NUP188: variants seen among roughly 807,000 people sequenced by gnomAD.
The protein encoded by NUP188 is nucleoporin NUP188.
Under a neutral mutation model 223.0 loss-of-function variants are expected in NUP188, and 97 were observed. That is an observed-to-expected ratio of 0.43 (90% confidence interval 0.37 to 0.51). The LOEUF is 0.51. Ranked by LOEUF, NUP188 falls within the 20% of genes least tolerant of loss-of-function variation. NUP188 has a pLI of 0.00. For missense variants in NUP188, 1,947 were observed against 2,175.6 expected (o/e 0.89, Z 2.09); for synonymous variants, 869 against 828.0 (o/e 1.05, Z -0.85).
rs200822100 is a variant in NUP188 at position 129,001,550 on chromosome 9, C to T, written c.3865C>T (p.Leu1289=). The part of the protein sequence containing the change: ...RDGVCVLGLH[L]AKELCEVDED... Reference sequence around the variant, plus strand: ...GCAGGTGTGTGTCCTGGGCCTGCACCTGGCCAAGGAGCTGTGTGAGGTAGA... The same window carrying T: ...GCAGGTGTGTGTCCTGGGCCTGCACTTGGCCAAGGAGCTGTGTGAGGTAGA... Residue 1289 remains leucine (L), a synonymous_variant, in exon 35 of 44, where the codon CTG becomes TTG. Coordinates refer to ENST00000372577, the MANE Select transcript of NUP188 (RefSeq NM_015354.3). 1 of 1,613,942 alleles carries T rather than the reference C, an allele frequency of 6.2e-7. No individual in the cohort carries two copies. The highest frequency in any genetic ancestry group is 1.7e-5 in the Admixed American group (1 of 60,014).
In NUP188 at chr9:128,990,123, C is replaced by G; in HGVS notation, c.2537C>G (p.Ala846Gly). The change falls in exon 25 of 44, where the codon GCT (alanine) becomes GGT (glycine). Residue 846 changes from alanine to glycine, a missense_variant. Transcript: ENST00000372577. ...ACTGTTTCCTGTGCTGCTTTAGGTG[C>G]TCATGGAAACAACCTCATTGCTGTT... is the stretch of plus-strand genomic sequence containing the variant. Reference protein sequence around the residue: ...PLEQALSQHGAHGNNLIAVLA... With the variant: ...PLEQALSQHGGHGNNLIAVLA... 1.2e-6 allele frequency: 2 copies of G among 1,610,868 alleles called. No individual in the cohort carries two copies. The highest frequency in any genetic ancestry group is 1.7e-6 in the Non-Finnish European group (2 of 1,177,024).
chr9:128,976,503 T>C (rs968377625), intron 12 of NUP188, among the ~76,000 whole-genome samples: 5 of 152,002 alleles, frequency 3.3e-5, no homozygotes, highest in Admixed American at 1.3e-4. Context: ...AAACCCCATC[T>C]TTACTAAAAA....
chr9:128,967,922 T>TG (rs1491574269), intron 8 of NUP188, among the ~76,000 whole-genome samples: 1 of 151,886 alleles, frequency 6.6e-6, no homozygotes, highest in Non-Finnish European at 1.5e-5. Flanking sequence ...GGGTGTACTC[T>TG]GGGTGTACTC....
intron 2 of NUP188, among the ~76,000 whole-genome samples, chr9:128,951,659 T>A (rs1446283673): frequency 6.6e-6 from 1 of 152,200 alleles, no homozygotes; most frequent in African/African-American, 2.4e-5. Flanking sequence ...GGTTAAGTCA[T>A]TATGTTATAA....
At position 129,006,746 on chromosome 9, in the gene NUP188, T is replaced by C. The variant is rs1047999089; in HGVS notation, c.*68T>C. 1.3e-6 allele frequency: 2 copies of C among 1,507,376 alleles called. No individual in the cohort carries two copies. The highest frequency in any genetic ancestry group is 2.8e-5 in the African/African-American group (2 of 72,106). 93.4% of individuals were successfully genotyped at this position (1,507,376 alleles called of 1,614,324 possible). On this transcript the variant is annotated 3_prime_UTR_variant, in exon 44 of 44. Coordinates refer to ENST00000372577, the MANE Select transcript of NUP188 (RefSeq NM_015354.3). ...ACTGCACCCTGGCTGGCAGGGGTGC[T>C]GCTGGCTGCTAGGGCCTATACAATG... is the stretch of plus-strand genomic sequence containing the variant.
intron 3 of NUP188, 106 bp from the exon 4 acceptor site, chr9:128,956,244 T>G (rs1244226061): frequency 1.8e-6 from 1 of 560,962 alleles, no homozygotes; most frequent in African/African-American, 1.9e-5. Context: ...TTTATAGGCA[T>G]CTGAAGGGCA....
At chr9:128,948,643 C>T (rs1841727128) in intron 1 of NUP188, 1 of 152,392 alleles carries the variant, frequency 6.6e-6, no homozygotes, top group African/African-American at 2.4e-5. Flanking sequence ...TCGTTCTTCC[C>T]ACCACCCTCC....
intron 23 of NUP188, 130 bp downstream of exon 23, chr9:128,987,847 C>A: frequency 7.7e-7 from 1 of 1,296,192 alleles, no homozygotes; most frequent in Non-Finnish European, 1.1e-6. Flanking sequence ...ATAGCCTTTA[C>A]ATACCCTAGT....
intron 2 of NUP188, among the ~76,000 whole-genome samples, chr9:128,949,998 C>G (rs1199257146): frequency 7.0e-6 from 1 of 143,448 alleles, no homozygotes; most frequent in East Asian, 2.1e-4. Flanking sequence ...TCTTGGCTCA[C>G]TTCAACCTCT....
At chr9:128,987,519 T>G (rs1842355040) in intron 22 of NUP188, 70 bp from the exon 23 acceptor site, 1 of 1,520,558 alleles carries the variant, frequency 6.6e-7, no homozygotes, top group South Asian at 1.3e-5. Flanking sequence ...CTAGCCTAAT[T>G]GGACAATGCC....
At position 128,995,171 on chromosome 9, in the gene NUP188, C is replaced by T. The variant is rs878955086; in HGVS notation, c.3156-148C>T. The stretch of plus-strand genomic sequence containing the variant: ...TGGAGGAGGAATCCTGGAAAGGCCT[C>T]AGCCTAACCCACACGTTGGAGGTGT... On this transcript the variant is annotated intron_variant, in intron 29 of 43. Coordinates refer to ENST00000372577, the MANE Select transcript of NUP188 (RefSeq NM_015354.3). 8.1e-5 allele frequency: 54 copies of T among 666,030 alleles called. No individual in the cohort carries two copies. In the South Asian group the frequency reaches 8.2e-4, roughly 10 times the overall value. 41.3% of individuals were successfully genotyped at this position (666,030 alleles called of 1,614,324 possible). A position where few individuals can be genotyped will look rare whatever the true frequency, so the allele number is the denominator to read the frequency against.
Position 128,994,402 on chromosome 9 carries a change from C to T in NUP188, c.3047C>T (p.Pro1016Leu), listed in dbSNP as rs774786873. ...AAGTTTTGGGAAAATTTAACCAGTC[C>T]GCTGTTTGGAACCCTTTCTCCTCCC... ...KPKFWENLTS[P>L]LFGTLSPPSE... The change falls in exon 28 of 44, where the codon CCG becomes CTG. Residue 1016 changes from proline to leucine, a missense_variant. This residue lies in a region of NUP188 where 905 missense variants were observed against 990.6 expected (regional missense o/e 0.91). Transcript: ENST00000372577. 49 of 1,613,140 alleles carry T rather than the reference C, an allele frequency of 3.0e-5. No individual in the cohort carries two copies. The highest frequency in any genetic ancestry group is 4.5e-5 in the East Asian group (2 of 44,882).
chr9:128,968,855 A>G (rs1005002591), intron 9 of NUP188, 138 bp downstream of exon 9: 6 of 651,090 alleles, frequency 9.2e-6, no homozygotes, highest in Non-Finnish European at 1.3e-5. Context: ...GTTCCCTTTC[A>G]TGCAGGGAGT....
chr9:128,979,618 T>A (rs1467173001), intron 13 of NUP188, among the ~76,000 whole-genome samples: 2 of 56,708 alleles, frequency 3.5e-5, no homozygotes, highest in African/African-American at 1.4e-4. Context: ...CCCACCAGGT[T>A]TTTTTTTTTG....
At chr9:128,998,485 A>G in intron 31 of NUP188, 53 bp from the exon 32 acceptor site, 2 of 1,480,352 alleles carry the variant, frequency 1.4e-6, no homozygotes, top group South Asian at 1.1e-5. Context: ...TGCCCTGTGG[A>G]TGGCATGCGA....
At chr9:128,999,566 T>A (rs1842600727) in intron 33 of NUP188, 58 bp from the exon 34 acceptor site, 1 of 1,550,432 alleles carries the variant, frequency 6.4e-7, no homozygotes, top group Admixed American at 1.7e-5. Flanking sequence ...GAAACCTTGG[T>A]GTACAGTGAG....
At chr9:128,978,227 C>A (rs1181888320) in intron 12 of NUP188, among the ~76,000 whole-genome samples, 2 of 151,914 alleles carry the variant, frequency 1.3e-5, no homozygotes, top group African/African-American at 2.4e-5. Flanking sequence ...CAGAGCAAGA[C>A]CCTGTCTCTA....
At chr9:128,990,925 A>AG (rs1564562778) in intron 25 of NUP188, among the ~76,000 whole-genome samples, 1 of 151,906 alleles carries the variant, frequency 6.6e-6, no homozygotes, top group Non-Finnish European at 1.5e-5. Flanking sequence ...AGCCTGAGGC[A>AG]GAGAGTTGCT....
At chr9:128,998,060 T>C in intron 30 of NUP188, 91 bp from the exon 31 acceptor site, 1 of 877,414 alleles carries the variant, frequency 1.1e-6, no homozygotes, top group South Asian at 1.3e-5. Flanking sequence ...GTTTTACCAA[T>C]GACTAATTGC....
Sources: gnomAD v4.1 joint callset for allele counts (sites outside exome capture counted in the v4.1 genomes callset) on GRCh38, gnomAD v4.1.1 for gene constraint, gnomAD v4.1.1 regional missense constraint, MANE v1.5 for transcripts, NCBI Gene and HGNC (gene_info 2026-07-23, HGNC 2026-07-21) for gene names.